The following GRK4 variants were observed in gnomAD, a reference collection of about 807,000 sequenced individuals.
The protein encoded by GRK4 is G protein-coupled receptor kinase 4.
Under a neutral mutation model 77.9 loss-of-function variants are expected in GRK4, and 73 were observed. The observed-to-expected ratio is 0.94, with a 90% confidence interval of 0.78 to 1.14. The LOEUF is 1.14. Ranked by LOEUF, GRK4 falls within the 50% of genes most tolerant of loss-of-function variation. GRK4 has a pLI of 0.00. For synonymous variants in GRK4, 257 were observed against 254.4 expected, an observed-to-expected ratio of 1.01 and a Z score of -0.10; for missense variants, 729 against 700.2, an observed-to-expected ratio of 1.04 and a Z score of -0.46.
In GRK4 at chr4:2,977,167, C is replaced by CT. The variant is rs200983375; in HGVS notation, c.53-7337dup. Among the ~76,000 whole-genome samples, 358 of 151,726 alleles carry CT rather than the reference C, an allele frequency of 2.4e-3. 3 individuals are homozygous for CT. The highest frequency in any genetic ancestry group is 5.0e-3 in the South Asian group (24 of 4,784). ...GGCCCAAATTTCTGGTCTGTTTGCA[C>CT]TTTTTTTTTATTGCTGCTTACAAAG... On this transcript the variant is annotated intron_variant, in intron 1 of 15. Transcript: ENST00000398052.
At chr4:3,038,958 G>A (rs969391926) in intron 15 of GRK4, 2 of 157,154 alleles carry the variant, frequency 1.3e-5, no homozygotes, top group Non-Finnish European at 2.8e-5. Flanking sequence ...GCTCACGCCT[G>A]TAATCCCAGC....
At position 3,007,717 on chromosome 4, in the gene GRK4, T is replaced by G. The variant is rs370822470; in HGVS notation, c.444-19T>G. The G allele has an allele frequency of 2.9e-4, 428 of 1,498,914 alleles. 1 individual carries two copies. The highest frequency in any genetic ancestry group is 4.8e-4 in the South Asian group (40 of 82,960). 92.9% of individuals were successfully genotyped at this position (1,498,914 alleles called of 1,614,324 possible). A position where few individuals can be genotyped will look rare whatever the true frequency, so the allele number is the denominator to read the frequency against. The stretch of plus-strand genomic sequence containing the variant: ...CTTAATACAACAAATGTATATAATT[T>G]TAAAAAATCTTTTTCTAGAGTTGCC... On this transcript the variant is annotated intron_variant, in intron 5 of 15. Coordinates refer to ENST00000398052, the MANE Select transcript of GRK4 (RefSeq NM_182982.3).
At chr4:3,034,986 G>C (rs1049252947) in intron 12 of GRK4, among the ~76,000 whole-genome samples, 1 of 152,058 alleles carries the variant, frequency 6.6e-6, no homozygotes, top group Non-Finnish European at 1.5e-5. Flanking sequence ...AGCTGGGCGC[G>C]GTGGCTCACG....
chr4:2,990,333 T>A (rs1265471340), intron 3 of GRK4, among the ~76,000 whole-genome samples: 1 of 144,424 alleles, frequency 6.9e-6, no homozygotes, highest in East Asian at 2.3e-4. Flanking sequence ...CCCAGCTCAC[T>A]GCAACCTCCG....
At chr4:2,988,427 G>T (rs1725073966) in intron 2 of GRK4, among the ~76,000 whole-genome samples, 1 of 152,010 alleles carries the variant, frequency 6.6e-6, no homozygotes, top group Non-Finnish European at 1.5e-5. Context: ...TGTTGTTGAG[G>T]TATAAGATTT....
intron 13 of GRK4, among the ~76,000 whole-genome samples, chr4:3,036,553 C>T (rs1458302443): frequency 2.6e-5 from 4 of 152,356 alleles, no homozygotes; most frequent in Non-Finnish European, 5.9e-5. Context: ...TGCCGACTTC[C>T]GTGCTTTTTG....
At position 3,013,809 on chromosome 4, in the gene GRK4, A is replaced by G. The variant is rs771118594; in HGVS notation, c.722A>G (p.Lys241Arg). ...CTAAATGAGAAAAGAATTCTGGAGA[A>G]AGTGCAAAGTAGATTCGTAGTAAGT... ...MALNEKRILE[K>R]VQSRFVVSLA... The change falls in exon 8 of 16, where the codon AAA (lysine) becomes AGA (arginine). Residue 241 changes from lysine (K) to arginine (R), a missense_variant. Lys to Arg is a conservative substitution (Grantham distance 26). Transcript: ENST00000398052. 1.2e-6 allele frequency: 2 copies of G among 1,609,588 alleles called. No individual in the cohort carries two copies. The highest frequency in any genetic ancestry group is 1.7e-5 in the Admixed American group (1 of 58,924).
At chr4:3,015,035 GC>G (rs1386430866) in intron 8 of GRK4, among the ~76,000 whole-genome samples, 1 of 152,110 alleles carries the variant, frequency 6.6e-6, no homozygotes, top group Non-Finnish European at 1.5e-5. Context: ...CCCTCAACTA[GC>G]ATATCCCAAT....
intron 4 of GRK4, 54 bp from the exon 5 acceptor site, chr4:3,004,177 C>G (rs929749855): frequency 7.2e-6 from 9 of 1,242,446 alleles, no homozygotes; most frequent in Non-Finnish European, 1.1e-5. Context: ...GTTCTGTTCA[C>G]TAGTAAGTTA....
intron 8 of GRK4, among the ~76,000 whole-genome samples, chr4:3,014,209 G>T (rs1187429047): frequency 2.6e-5 from 4 of 151,056 alleles, no homozygotes; most frequent in Non-Finnish European, 5.9e-5. Context: ...GCTTATCTCT[G>T]TTTGCTCTCA....
At chr4:2,980,374 G>T (rs942624476) in intron 1 of GRK4, among the ~76,000 whole-genome samples, 5 of 152,078 alleles carry the variant, frequency 3.3e-5, no homozygotes, top group Admixed American at 3.3e-4. Flanking sequence ...CCGGGAACCA[G>T]TCTTCAGTGG....
chr4:2,965,270 A>G, intron 1 of GRK4: 1 of 703,048 alleles, frequency 1.4e-6, no homozygotes, highest in Non-Finnish European at 2.6e-6. Context: ...CAAAAGCATC[A>G]GTTGGTCCAG....
At chr4:3,037,113 G>A (rs1740954455) in intron 13 of GRK4, among the ~76,000 whole-genome samples, 1 of 151,554 alleles carries the variant, frequency 6.6e-6, no homozygotes, top group African/African-American at 2.4e-5. Flanking sequence ...GAGAAAGAGG[G>A]AGAGAGCCAG....
intron 13 of GRK4, among the ~76,000 whole-genome samples, chr4:3,036,032 G>C (rs542083675): frequency 6.6e-6 from 1 of 152,152 alleles, no homozygotes; most frequent in Non-Finnish European, 1.5e-5. Flanking sequence ...TGTTGCCCAG[G>C]CTACTTTTGA....
At chr4:2,988,092 A>AAAAAAAAAAAAAAAAAAT (rs1724957830) in intron 2 of GRK4, among the ~76,000 whole-genome samples, 1 of 149,232 alleles carries the variant, frequency 6.7e-6, no homozygotes, top group Non-Finnish European at 1.5e-5. Context: ...AAAAAAAAAA[A>AAAAAAAAAAAAAAAAAAT]AAAAAAAGAA....
At position 3,000,581 on chromosome 4, in the gene GRK4, TTTTTG is replaced by T. The variant is rs1424035235; in HGVS notation, c.340-3649_340-3645del. 7.8e-4 allele frequency among the ~76,000 whole-genome samples: 108 copies of T among 139,148 alleles called. 1 individual carries two copies. Among genetic ancestry groups the T allele is most frequent in the African/African-American group, 2.7e-3 (97 of 35,698 alleles). 91.3% of individuals were successfully genotyped at this position (139,148 alleles called of 152,430 possible). On this transcript the variant is annotated intron_variant, in intron 4 of 15. Transcript: ENST00000398052. ...TTTCTTTTCTTTTCTTTTCTTTTTT[TTTTTG>T]AAACAGTCTTGCTCTGTCACCAGGC... is the stretch of plus-strand genomic sequence containing the variant.
At chr4:3,016,918 G>A (rs926342784) in intron 8 of GRK4, among the ~76,000 whole-genome samples, 1 of 152,076 alleles carries the variant, frequency 6.6e-6, no homozygotes, top group African/African-American at 2.4e-5. Context: ...TTTTCTCCCT[G>A]CTTAACCTAG....
intron 1 of GRK4, among the ~76,000 whole-genome samples, chr4:2,981,985 G>A (rs1259945854): frequency 6.6e-6 from 1 of 152,284 alleles, no homozygotes; most frequent in East Asian, 1.9e-4. Context: ...ACCTGGCTGG[G>A]TTGTGACAGT....
chr4:3,034,141 C>A (rs546910897), intron 12 of GRK4, among the ~76,000 whole-genome samples: 2 of 152,240 alleles, frequency 1.3e-5, no homozygotes, highest in Non-Finnish European at 2.9e-5. Context: ...ATTTGGGGAG[C>A]CTAATCTAGT....
Sources: allele counts gnomAD v4.1 joint callset (sites outside exome capture counted in the v4.1 genomes callset), GRCh38; gene constraint gnomAD v4.1.1; transcripts MANE v1.5; gene names NCBI Gene and HGNC (gene_info 2026-07-23, HGNC 2026-07-21).